The following CNTNAP5 variants were observed in gnomAD, a reference collection of about 807,000 sequenced individuals.
The protein encoded by CNTNAP5 is contactin-associated protein-like 5.
A neutral mutation model predicts 150.2 loss-of-function variants in CNTNAP5; 72 were observed. The observed-to-expected ratio is 0.48, with a 90% CI of 0.40 to 0.58. The LOEUF (loss-of-function observed/expected upper bound fraction) is 0.58, where lower values mean the gene tolerates loss of function less well. Ranked by LOEUF, CNTNAP5 falls within the 20% of genes least tolerant of loss-of-function variation. CNTNAP5 has a pLI of 0.00. For missense variants in CNTNAP5, 1,636 were observed against 1,626.2 expected, an observed-to-expected ratio of 1.01 and a Z score of -0.10; for synonymous variants, 672 against 619.8, an observed-to-expected ratio of 1.08 and a Z score of -1.25.
At chr2:124,027,925 A>C (rs2104617085) in intron 1 of CNTNAP5, among the ~76,000 whole-genome samples, 1 of 152,320 alleles carries the variant, frequency 6.6e-6, no homozygotes, top group South Asian at 2.1e-4. Flanking sequence ...GCTCTAAGAA[A>C]TATGCATTAA....
chr2:124,526,349 T>C (rs1254469862), intron 9 of CNTNAP5, among the ~76,000 whole-genome samples: 2 of 151,654 alleles, frequency 1.3e-5, no homozygotes, highest in African/African-American at 4.9e-5. Flanking sequence ...GTAGCATCTC[T>C]CTTCATTTTA....
In CNTNAP5 at chr2:124,662,775, T is replaced by C. The variant is rs184874828; in HGVS notation, c.2077+14817T>C. On this transcript the variant is annotated intron_variant, in intron 13 of 23. Coordinates refer to ENST00000682447, the MANE Select transcript of CNTNAP5 (RefSeq NM_001367498.1). ...GAGATGTTTGCCAACTAGAACATAC[T>C]ATACGTAGTTGATTACAAATGTCAT... is the stretch of plus-strand genomic sequence containing the variant. 3.3e-3 allele frequency among the ~76,000 whole-genome samples: 505 copies of C among 152,354 alleles called. 2 individuals are homozygous for C. The highest frequency in any genetic ancestry group is 5.8e-3 in the Non-Finnish European group (392 of 68,034).
intron 1 of CNTNAP5, among the ~76,000 whole-genome samples, chr2:124,077,872 T>C (rs1369802661): frequency 1.3e-5 from 2 of 152,236 alleles, no homozygotes; most frequent in African/African-American, 4.8e-5. Context: ...CTGAGAACTA[T>C]TCCTTTGGGC....
intron 10 of CNTNAP5, among the ~76,000 whole-genome samples, chr2:124,560,325 C>G (rs991946727): frequency 2.0e-5 from 3 of 151,952 alleles, no homozygotes; most frequent in African/African-American, 4.8e-5. Flanking sequence ...CTGGCCAACC[C>G]GTAGTAGAGA....
chr2:124,025,553 G>T lies in CNTNAP5; in HGVS notation c.-98G>T, dbSNP rs1369311513. 3 of 1,022,146 alleles carry T rather than the reference G, an allele frequency of 2.9e-6. No individual in the cohort carries two copies. The highest frequency in any genetic ancestry group is 4.5e-4 in the Middle Eastern group (2 of 4,474). The allele number at this position is 1,022,146 out of a possible 1,614,324, so 63.3% of individuals were successfully genotyped here. ...TGCCTCTCCAAGCGGGGGTGGGAGG[G>T]GGTCAGGCTGTGCAGAGGAGAGAGA... On this transcript the variant is annotated 5_prime_UTR_variant, in exon 1 of 24. Transcript: ENST00000682447.
intron 7 of CNTNAP5, among the ~76,000 whole-genome samples, chr2:124,480,311 G>T (rs1393762800): frequency 1.3e-5 from 2 of 152,200 alleles, no homozygotes; most frequent in Non-Finnish European, 2.9e-5. Context: ...TGATAGGCTT[G>T]GGTATAACAG....
intron 3 of CNTNAP5, among the ~76,000 whole-genome samples, chr2:124,333,730 C>T (rs1256041560): frequency 3.3e-5 from 5 of 151,958 alleles, no homozygotes; most frequent in African/African-American, 7.3e-5. Flanking sequence ...AGGCAGAGCC[C>T]GGTAACAAAT....
intron 3 of CNTNAP5, among the ~76,000 whole-genome samples, chr2:124,375,153 T>A (rs991954068): frequency 6.6e-6 from 1 of 151,996 alleles, no homozygotes; most frequent in African/African-American, 2.4e-5. Flanking sequence ...ACATGGATCA[T>A]CTATGCATGG....
chr2:124,146,912 A>T (rs1334245992), intron 1 of CNTNAP5, among the ~76,000 whole-genome samples: 1 of 152,204 alleles, frequency 6.6e-6, no homozygotes, highest in East Asian at 1.9e-4. Flanking sequence ...TTAGGAGCCA[A>T]ATATGCCAGT....
chr2:124,328,808 A>G (rs1356037353), intron 3 of CNTNAP5, among the ~76,000 whole-genome samples: 1 of 152,192 alleles, frequency 6.6e-6, no homozygotes, highest in African/African-American at 2.4e-5. Flanking sequence ...ATCTTTAGAA[A>G]GAAGATGGTT....
chr2:124,484,853 A>G (rs11123048), intron 7 of CNTNAP5, among the ~76,000 whole-genome samples: 57,424 of 152,124 alleles, frequency 0.38, 11,246 homozygotes, highest in South Asian at 0.57. Context: ...GCTCATCCAC[A>G]GACAGCAGCC....
At chr2:124,284,527 T>C (rs1317400183) in intron 3 of CNTNAP5, among the ~76,000 whole-genome samples, 1 of 152,086 alleles carries the variant, frequency 6.6e-6, no homozygotes, top group Admixed American at 6.6e-5. Flanking sequence ...TCCTAGGCGA[T>C]GGGTTGATAG....
intron 11 of CNTNAP5, among the ~76,000 whole-genome samples, chr2:124,567,854 T>TAGATAGATAGATAGATAGATAG (rs1553480424): frequency 8.5e-6 from 1 of 117,010 alleles, no homozygotes; most frequent in African/African-American, 3.1e-5. Context: ...GATAGATAGA[T>TAGATAGATAGATAGATAGATAG]AGATAGATAG....
intron 4 of CNTNAP5, among the ~76,000 whole-genome samples, chr2:124,429,762 G>A (rs1456465998): frequency 6.6e-6 from 1 of 152,190 alleles, no homozygotes; most frequent in Non-Finnish European, 1.5e-5. Context: ...CAGCTCCAGT[G>A]GCTGAGCATG....
chr2:124,892,325 A>T (rs1428767719), intron 21 of CNTNAP5, among the ~76,000 whole-genome samples: 1 of 152,166 alleles, frequency 6.6e-6, no homozygotes, highest in Non-Finnish European at 1.5e-5. Context: ...ATAAATTTCC[A>T]AGAACTGATG....
At chr2:124,768,307 G>GTGTGTGTGTGTGTGTGTGTGTA (rs761983407) in intron 16 of CNTNAP5, among the ~76,000 whole-genome samples, 2 of 144,616 alleles carry the variant, frequency 1.4e-5, no homozygotes, top group Non-Finnish European at 1.5e-5. Context: ...GTGTGTGTGT[G>GTGTGTGTGTGTGTGTGTGTGTA]TGTATATGTA....
intron 3 of CNTNAP5, among the ~76,000 whole-genome samples, chr2:124,381,555 C>T (rs1038183922): frequency 1.3e-5 from 2 of 152,084 alleles, no homozygotes; most frequent in African/African-American, 4.8e-5. Context: ...AGACTGCACA[C>T]TGTGGGAAGA....
At chr2:124,742,012 C>A (rs1444663972) in intron 13 of CNTNAP5, among the ~76,000 whole-genome samples, 2 of 152,126 alleles carry the variant, frequency 1.3e-5, no homozygotes, top group Non-Finnish European at 2.9e-5. Flanking sequence ...TAGAAACCTG[C>A]AGCTGGCAAT....
chr2:124,867,153 G>T (rs533469575), intron 20 of CNTNAP5, among the ~76,000 whole-genome samples: 87 of 152,012 alleles, frequency 5.7e-4, no homozygotes, highest in Non-Finnish European at 1.2e-3. Context: ...CTACTGAATG[G>T]CTCCCCAAAG....
Sources: allele counts gnomAD v4.1 joint callset (sites outside exome capture counted in the v4.1 genomes callset), GRCh38; gene constraint gnomAD v4.1.1; transcripts MANE v1.5; gene names NCBI Gene and HGNC (gene_info 2026-07-23, HGNC 2026-07-21).